The following RNF32 variants were observed in gnomAD, a reference collection of about 807,000 sequenced individuals.
The protein encoded by RNF32 is ring finger protein 32.
In RNF32, 36 loss-of-function variants were observed where a neutral mutation model predicts 41.0. The observed-to-expected ratio is 0.88, with a 90% CI of 0.67 to 1.16. The LOEUF (loss-of-function observed/expected upper bound fraction) is 1.16. Among genes scored for constraint, RNF32 ranks in the 50% most tolerant of loss-of-function variants. RNF32 has a pLI of 0.00. For missense variants in RNF32, 413 were observed against 436.7 expected (o/e 0.95, Z 0.48); for synonymous variants, 154 against 160.9 (o/e 0.96, Z 0.32).
At chr7:156,646,856 GT>G (rs1489507158) in intron 3 of RNF32, among the ~76,000 whole-genome samples, 1 of 152,058 alleles carries the variant, frequency 6.6e-6, no homozygotes, top group Non-Finnish European at 1.5e-5. Flanking sequence ...ATTTCATTTT[GT>G]TTTGTTTTTT....
At chr7:156,641,686 A>C (rs1797343771) in intron 1 of RNF32, among the ~76,000 whole-genome samples, 1 of 152,232 alleles carries the variant, frequency 6.6e-6, no homozygotes, top group Non-Finnish European at 1.5e-5. Context: ...ACTTGAGATT[A>C]AATTGCAGAC....
At chr7:156,673,350 G>GT (rs1803009895) in intron 7 of RNF32, among the ~76,000 whole-genome samples, 1 of 152,170 alleles carries the variant, frequency 6.6e-6, no homozygotes. Context: ...ATATTTCCAA[G>GT]TAATTTTTCC....
At chr7:156,649,913 A>G (rs1193379152) in intron 3 of RNF32, among the ~76,000 whole-genome samples, 2 of 152,242 alleles carry the variant, frequency 1.3e-5, no homozygotes, top group Admixed American at 6.5e-5. Context: ...GCTTCACCAA[A>G]TAAGTTGGGC....
At chr7:156,672,390 A>G (rs1230124568) in intron 7 of RNF32, among the ~76,000 whole-genome samples, 2 of 152,188 alleles carry the variant, frequency 1.3e-5, no homozygotes, top group Non-Finnish European at 2.9e-5. Context: ...TAGGACCTGT[A>G]TGCCACAGTG....
rs1797969687 is a variant in RNF32, at chr7:156,646,321, T to C, written c.274+1564T>C. The C allele has an allele frequency of 8.9e-6, 8 of 899,778 alleles. No individual in the cohort carries two copies. In the Admixed American group the frequency reaches 1.5e-4, roughly 17 times the overall value. 55.7% of individuals were successfully genotyped at this position (899,778 alleles called of 1,614,324 possible). A position where few individuals can be genotyped will look rare whatever the true frequency, so the allele number is the denominator to read the frequency against. The stretch of plus-strand genomic sequence containing the variant: ...CTGTTGGCAGGGTTCTACAGAAGAA[T>C]CCTAACTTACCTTTCCCTGGTGGTT... On this transcript the variant is annotated intron_variant, in intron 3 of 8. Coordinates refer to ENST00000317955, the MANE Select transcript of RNF32 (RefSeq NM_030936.4).
chr7:156,660,024 G>A, intron 7 of RNF32: 6 of 985,538 alleles, frequency 6.1e-6, no homozygotes, highest in Non-Finnish European at 7.2e-6. Context: ...TGGGTCCGCT[G>A]CCCTGTGGCC....
At chr7:156,675,607 A>AC in intron 7 of RNF32, 89 bp from the exon 8 acceptor site, 1 of 1,085,336 alleles carries the variant, frequency 9.2e-7, no homozygotes, top group South Asian at 1.4e-5. Context: ...GAGGAAGGTT[A>AC]CCAAAATAGA....
At position 156,669,078 on chromosome 7, in the gene RNF32, A is replaced by G. The variant is rs1178880353; in HGVS notation, c.685-6618A>G. On this transcript the variant is annotated intron_variant, in intron 7 of 8. Transcript: ENST00000317955. This position sits in a 1 kb window ranked among gnomAD's most constrained non-coding sequence, Gnocchi z 4.2. Reference sequence around the variant, plus strand: ...AATATAAATTAGACTCAACTGCATGAAAAGTCTATGCGAACTGCTTTCATG... The same window carrying G: ...AATATAAATTAGACTCAACTGCATGGAAAGTCTATGCGAACTGCTTTCATG... 1 of 152,228 alleles carries G rather than the reference A, an allele frequency of 6.6e-6. No individual in the cohort carries two copies. The allele number at this position is 152,228 out of a possible 1,614,324, so 9.4% of individuals were successfully genotyped here. A position where few individuals can be genotyped will look rare whatever the true frequency, so the allele number is the denominator to read the frequency against.
At chr7:156,659,164 G>C in intron 7 of RNF32, 1 of 1,206,910 alleles carries the variant, frequency 8.3e-7, no homozygotes, top group Non-Finnish European at 1.0e-6. Context: ...TCAGCCTGTG[G>C]CTTCAGGCAA....
intron 7 of RNF32, among the ~76,000 whole-genome samples, chr7:156,666,089 C>G (rs1245270318): frequency 6.6e-6 from 1 of 152,070 alleles, no homozygotes. Context: ...AAAGAGAAGT[C>G]TAATCAATAG....
At chr7:156,676,261 A>G (rs1410593061) in intron 8 of RNF32, 158 bp from the exon 9 acceptor site, 4 of 1,544,396 alleles carry the variant, frequency 2.6e-6, no homozygotes, top group Non-Finnish European at 3.5e-6. Flanking sequence ...ATATATGTAT[A>G]TATATAAATA....
At chr7:156,643,546 A>G (rs1481855666) in intron 1 of RNF32, among the ~76,000 whole-genome samples, 4 of 152,230 alleles carry the variant, frequency 2.6e-5, no homozygotes, top group Non-Finnish European at 5.9e-5. Flanking sequence ...GGATTAATTC[A>G]TAGTAATTAA....
At chr7:156,643,924 A>G (rs1331498890) in intron 2 of RNF32, 32 bp downstream of exon 2, 2 of 1,567,760 alleles carry the variant, frequency 1.3e-6, no homozygotes, top group East Asian at 4.5e-5. Context: ...CATACACGTT[A>G]TTTGACTCAT....
At chr7:156,660,062 T>A (rs143928549) in intron 7 of RNF32, 143 of 985,806 alleles carry the variant, frequency 1.5e-4, no homozygotes, top group African/African-American at 1.2e-3. Flanking sequence ...ATACTGTTTT[T>A]TGTTTTATCC....
intron 7 of RNF32, among the ~76,000 whole-genome samples, chr7:156,673,324 T>C (rs1280663550): frequency 1.3e-5 from 2 of 152,220 alleles, no homozygotes; most frequent in African/African-American, 2.4e-5. Flanking sequence ...AAAGCATCAA[T>C]TGGAGGTAAC....
intron 3 of RNF32, among the ~76,000 whole-genome samples, chr7:156,652,079 C>T (rs1419148271): frequency 6.6e-6 from 1 of 152,216 alleles, no homozygotes; most frequent in African/African-American, 2.4e-5. Flanking sequence ...GAGACCCACA[C>T]AGAAGCTCAC....
rs906493681 is a variant in RNF32, at chr7:156,669,855, G to A, written c.685-5841G>A. 1.3e-5 allele frequency among the ~76,000 whole-genome samples: 2 copies of A among 152,182 alleles called. No individual in the cohort carries two copies. Among genetic ancestry groups the A allele is most frequent in the Middle Eastern group, 3.2e-3 (1 of 316 alleles). On this transcript the variant is annotated intron_variant, in intron 7 of 8. Coordinates refer to ENST00000317955, the MANE Select transcript of RNF32 (RefSeq NM_030936.4). This position sits in a 1 kb window ranked among gnomAD's most constrained non-coding sequence, Gnocchi z 4.2. ...AGACGTGCAGTTGGGCCTGCAGCACGCAGGGCTTGGGGACTCTGTTCCAGG... is the reference window on the plus strand; with the variant it reads ...AGACGTGCAGTTGGGCCTGCAGCACACAGGGCTTGGGGACTCTGTTCCAGG...
At chr7:156,662,751 C>T (rs986724171) in intron 7 of RNF32, among the ~76,000 whole-genome samples, 4 of 150,452 alleles carry the variant, frequency 2.7e-5, no homozygotes, top group East Asian at 1.9e-4. Context: ...AAATAGCAAA[C>T]GTGGAAAGAA....
chr7:156,654,357 C>G (rs1434237802), intron 3 of RNF32: 2 of 459,224 alleles, frequency 4.4e-6, no homozygotes, highest in Non-Finnish European at 3.9e-6. Flanking sequence ...GGGTTGTATG[C>G]AAATACTCCA....
Sources: gnomAD v4.1 joint callset for allele counts (sites outside exome capture counted in the v4.1 genomes callset) on GRCh38, gnomAD v4.1.1 for gene constraint, Gnocchi (gnomAD v3.1) non-coding constraint, MANE v1.5 for transcripts, NCBI Gene and HGNC (gene_info 2026-07-23, HGNC 2026-07-21) for gene names.